C14orf39: variants seen among roughly 807,000 people sequenced by gnomAD.
C14orf39 encodes protein SIX6OS1.
C14orf39 carries 66 observed loss-of-function variants against 85.6 expected under a neutral mutation model. That is an observed-to-expected ratio of 0.77 (90% CI 0.63 to 0.95). C14orf39 has a LOEUF of 0.95. C14orf39 is among the 40% of genes least tolerant of loss of function. C14orf39 has a pLI of 0.00. For missense variants in C14orf39, 735 were observed against 663.9 expected (o/e 1.11, Z -1.18); for synonymous variants, 242 against 214.0 (o/e 1.13, Z -1.14).
At chr14:60,471,481 T>C in intron 6 of C14orf39, 22 bp from the exon 7 acceptor site, 2 of 1,590,842 alleles carry the variant, frequency 1.3e-6, no homozygotes, top group Admixed American at 1.8e-5. Flanking sequence ...AGTCACAGCA[T>C]AAGCTGATTA....
chr14:60,505,088 C>T (rs908345075), intron 1 of C14orf39, among the ~76,000 whole-genome samples: 1 of 152,164 alleles, frequency 6.6e-6, no homozygotes, highest in Admixed American at 6.5e-5. Flanking sequence ...AATTGTAATA[C>T]TTTTTTGCCA....
intron 15 of C14orf39, among the ~76,000 whole-genome samples, chr14:60,456,362 G>A (rs567331238): frequency 7.3e-5 from 11 of 151,682 alleles, no homozygotes; most frequent in African/African-American, 2.7e-4. Flanking sequence ...AGAAATGACT[G>A]ATGGAATATT....
chr14:60,460,449 T>C (rs1210795733), intron 13 of C14orf39, among the ~76,000 whole-genome samples: 1 of 151,946 alleles, frequency 6.6e-6, no homozygotes, highest in Non-Finnish European at 1.5e-5. Context: ...ACTCATAGTA[T>C]ATTAACATTC....
At chr14:60,468,679 A>T in intron 8 of C14orf39, 143 bp from the exon 9 acceptor site, 1 of 433,182 alleles carries the variant, frequency 2.3e-6, no homozygotes, top group Non-Finnish European at 4.0e-6. Context: ...ACAGTTATTA[A>T]AACAAAAACA....
At chr14:60,476,801 G>A (rs1892399039) in intron 5 of C14orf39, among the ~76,000 whole-genome samples, 1 of 152,072 alleles carries the variant, frequency 6.6e-6, no homozygotes, top group Non-Finnish European at 1.5e-5. Flanking sequence ...CCCTTTAGAG[G>A]ACCCAGAGGA....
At chr14:60,474,665 G>A (rs1392184981) in intron 5 of C14orf39, among the ~76,000 whole-genome samples, 1 of 151,906 alleles carries the variant, frequency 6.6e-6, no homozygotes, top group African/African-American at 2.4e-5. Context: ...TAATCATGTG[G>A]TTTTTGTTGT....
At chr14:60,456,038 T>C (rs942410922) in intron 15 of C14orf39, among the ~76,000 whole-genome samples, 1 of 152,122 alleles carries the variant, frequency 6.6e-6, no homozygotes, top group Non-Finnish European at 1.5e-5. Flanking sequence ...TCGAATGTGC[T>C]GTGCTTGAGT....
At position 60,503,806 on chromosome 14, in the gene C14orf39, A is replaced by G. The variant is rs78251162; in HGVS notation, c.-143-4376T>C. Among the ~76,000 whole-genome samples, 449 of 152,342 alleles carry G rather than the reference A, an allele frequency of 2.9e-3. 3 individuals carry two copies. Among genetic ancestry groups the G allele is most frequent in the African/African-American group, 0.011 (440 of 41,568 alleles). On this transcript the variant is annotated intron_variant, in intron 1 of 5. Coordinates refer to the C14orf39 transcript ENST00000556799. ...AATTACAGTAAGCTCTTAGGAACAGATTTTATTAACATGGCCTAGACCCAA... is the reference window on the plus strand; with the variant it reads ...AATTACAGTAAGCTCTTAGGAACAGGTTTTATTAACATGGCCTAGACCCAA...
intron 5 of C14orf39, 84 bp from the exon 6 acceptor site, chr14:60,471,823 A>G: frequency 1.3e-6 from 1 of 753,324 alleles, no homozygotes; most frequent in Non-Finnish European, 2.1e-6. Flanking sequence ...TCTACTAAAC[A>G]TAAAAGGCAA....
intron 16 of C14orf39, among the ~76,000 whole-genome samples, chr14:60,446,481 C>T (rs1293755253): frequency 6.6e-6 from 1 of 152,126 alleles, no homozygotes; most frequent in Non-Finnish European, 1.5e-5. Context: ...CATATACACC[C>T]TCCAAAGACT....
chr14:60,487,987 T>C (rs971465812), upstream of C14orf39, among the ~76,000 whole-genome samples: 1 of 152,180 alleles, frequency 6.6e-6, no homozygotes, highest in African/African-American at 2.4e-5. Flanking sequence ...TTAGTTGAGT[T>C]CCTTATTTAG....
intron 1 of C14orf39, 24 bp from the exon 2 acceptor site, chr14:60,485,110 T>C (rs754508985): frequency 6.4e-7 from 1 of 1,574,544 alleles, no homozygotes. Context: ...AAAAAAAAAT[T>C]ATAAGATTTT....
chr14:60,480,972 G>A (rs955112468), intron 4 of C14orf39, among the ~76,000 whole-genome samples: 2 of 152,220 alleles, frequency 1.3e-5, no homozygotes, highest in Non-Finnish European at 2.9e-5. Context: ...AAAAAATGGG[G>A]AAAGGGAAGA....
At chr14:60,509,308 C>T in intron 1 of C14orf39, 4 of 1,153,386 alleles carry the variant, frequency 3.5e-6, no homozygotes, top group East Asian at 4.7e-5. Flanking sequence ...GCCTCATCAA[C>T]AAGCGCCTGG....
chr14:60,482,420 GT>G (rs1386158247), intron 4 of C14orf39, among the ~76,000 whole-genome samples: 1 of 152,142 alleles, frequency 6.6e-6, no homozygotes, highest in Non-Finnish European at 1.5e-5. Context: ...CTCCTACACT[GT>G]TTTTTAATAA....
chr14:60,438,427 C>T (rs1890357193), intron 17 of C14orf39, among the ~76,000 whole-genome samples: 1 of 152,084 alleles, frequency 6.6e-6, no homozygotes, highest in Non-Finnish European at 1.5e-5. Flanking sequence ...TCTTGAATTT[C>T]CCTTTGAATA....
chr14:60,508,024 C>T (rs549841218), intron 1 of C14orf39, among the ~76,000 whole-genome samples: 1 of 152,176 alleles, frequency 6.6e-6, no homozygotes, highest in Non-Finnish European at 1.5e-5. Context: ...ACTCCACTAG[C>T]CCAAAGTCAG....
intron 13 of C14orf39, among the ~76,000 whole-genome samples, chr14:60,460,589 T>C (rs1891475818): frequency 1.3e-5 from 2 of 151,916 alleles, no homozygotes; most frequent in South Asian, 4.1e-4. Flanking sequence ...GCATTATTAG[T>C]TTACCAAAAA....
At chr14:60,448,647 G>C (rs926734765) in intron 16 of C14orf39, among the ~76,000 whole-genome samples, 20 of 152,164 alleles carry the variant, frequency 1.3e-4, no homozygotes, top group African/African-American at 4.6e-4. Context: ...TCTAGAACTA[G>C]AAATACCGTT....
Sources: allele counts gnomAD v4.1 joint callset (sites outside exome capture counted in the v4.1 genomes callset), GRCh38; gene constraint gnomAD v4.1.1; transcripts MANE v1.5; gene names NCBI Gene and HGNC (gene_info 2026-07-23, HGNC 2026-07-21).